The following SGCZ variants were observed in gnomAD, a reference collection of about 807,000 sequenced individuals.
SGCZ encodes zeta-sarcoglycan.
SGCZ carries 40 observed loss-of-function variants against 41.3 expected under a neutral mutation model. The ratio of observed to expected loss-of-function variants is 0.97; its 90% CI spans 0.75 to 1.26. The LOEUF is 1.26. Among genes scored for constraint, SGCZ ranks in the 50% most tolerant of loss-of-function variants. SGCZ has a pLI of 0.00. For synonymous variants in SGCZ, 206 were observed against 137.5 expected, an observed-to-expected ratio of 1.50 and a Z score of -3.49; for missense variants, 552 against 369.8, an observed-to-expected ratio of 1.49 and a Z score of -4.04.
intron 5 of SGCZ, among the ~76,000 whole-genome samples, chr8:14,112,989 T>C (rs886181536): frequency 6.6e-6 from 1 of 152,088 alleles, no homozygotes; most frequent in Non-Finnish European, 1.5e-5. Context: ...ACTGAAAAAT[T>C]TATTACCTCT....
At chr8:15,201,805 A>AT (rs1420720745) in intron 1 of SGCZ, among the ~76,000 whole-genome samples, 1 of 152,122 alleles carries the variant, frequency 6.6e-6, no homozygotes, top group Non-Finnish European at 1.5e-5. Context: ...TATGTGGAGC[A>AT]TTTTTTTCAC....
intron 1 of SGCZ, among the ~76,000 whole-genome samples, chr8:14,583,645 C>T (rs958157747): frequency 3.9e-5 from 6 of 152,046 alleles, no homozygotes; most frequent in South Asian, 2.1e-4. Context: ...TTAGGACTAA[C>T]GTTTAAGTCT....
intron 1 of SGCZ, among the ~76,000 whole-genome samples, chr8:15,213,248 A>G (rs1476038887): frequency 6.6e-6 from 1 of 151,968 alleles, no homozygotes; most frequent in Non-Finnish European, 1.5e-5. Flanking sequence ...CAACAAGAGT[A>G]ATCCTACCCC....
At chr8:14,985,210 A>G (rs1801791237) in intron 1 of SGCZ, among the ~76,000 whole-genome samples, 1 of 151,972 alleles carries the variant, frequency 6.6e-6, no homozygotes, top group Non-Finnish European at 1.5e-5. Context: ...CTGAAATTAA[A>G]GAAAACTGTA....
intron 1 of SGCZ, among the ~76,000 whole-genome samples, chr8:14,820,477 A>G (rs553460927): frequency 6.0e-4 from 92 of 152,160 alleles, no homozygotes; most frequent in Non-Finnish European, 8.8e-5. Context: ...ATTAAATTGT[A>G]CCATAAACCA....
At chr8:14,362,903 T>C (rs59191910) in intron 2 of SGCZ, among the ~76,000 whole-genome samples, 1,575 of 152,350 alleles carry the variant, frequency 0.01, 32 homozygotes, top group African/African-American at 0.036. Flanking sequence ...ATTGAGAGCA[T>C]AAATCCAATA....
At chr8:14,942,642 C>A (rs907865162) in intron 1 of SGCZ, among the ~76,000 whole-genome samples, 1 of 152,070 alleles carries the variant, frequency 6.6e-6, no homozygotes, top group African/African-American at 2.4e-5. Flanking sequence ...TGTATGCCTC[C>A]GTAACACCCA....
intron 1 of SGCZ, among the ~76,000 whole-genome samples, chr8:15,155,703 T>G (rs1188080584): frequency 6.6e-6 from 1 of 152,208 alleles, no homozygotes; most frequent in African/African-American, 2.4e-5. Context: ...TTGATCACCA[T>G]GCAAAATTGA....
chr8:14,457,006 G>A (rs1400927793), intron 2 of SGCZ, among the ~76,000 whole-genome samples: 1 of 152,178 alleles, frequency 6.6e-6, no homozygotes, highest in Admixed American at 6.6e-5. Flanking sequence ...TTCCAGTGGG[G>A]CTGTGGGCGA....
chr8:14,199,369 T>C (rs1805380893), intron 4 of SGCZ, among the ~76,000 whole-genome samples: 2 of 152,134 alleles, frequency 1.3e-5, no homozygotes, highest in Admixed American at 1.3e-4. Context: ...AAATTCTGTC[T>C]CCTGATAAGA....
At chr8:14,145,102 G>C (rs1376652254) in intron 5 of SGCZ, among the ~76,000 whole-genome samples, 1 of 152,198 alleles carries the variant, frequency 6.6e-6, no homozygotes, top group African/African-American at 2.4e-5. Context: ...CTTTGCCAAT[G>C]GCTGAGAGAT....
chr8:15,228,592 C>G (rs184865106), intron 1 of SGCZ, among the ~76,000 whole-genome samples: 2 of 152,174 alleles, frequency 1.3e-5, no homozygotes, highest in Non-Finnish European at 2.9e-5. Context: ...AATGTCTCTG[C>G]CCTAGACCAA....
chr8:14,599,076 A>G (rs1358574161), intron 1 of SGCZ, among the ~76,000 whole-genome samples: 1 of 152,102 alleles, frequency 6.6e-6, no homozygotes, highest in Admixed American at 6.5e-5. Flanking sequence ...TACCTTATTC[A>G]TTCAACAGCA....
chr8:15,050,750 A>G (rs1321738705), intron 1 of SGCZ, among the ~76,000 whole-genome samples: 1 of 152,166 alleles, frequency 6.6e-6, no homozygotes, highest in Non-Finnish European at 1.5e-5. Flanking sequence ...TGGGGGAGAA[A>G]GCATGTAAAT....
intron 1 of SGCZ, among the ~76,000 whole-genome samples, chr8:15,034,807 T>C (rs1803814397): frequency 6.6e-6 from 1 of 152,140 alleles, no homozygotes; most frequent in Non-Finnish European, 1.5e-5. Flanking sequence ...TGGAATGATA[T>C]ATTTAAAGCT....
chr8:14,520,920 C>T (rs1802769763), intron 2 of SGCZ, among the ~76,000 whole-genome samples: 1 of 152,072 alleles, frequency 6.6e-6, no homozygotes, highest in Non-Finnish European at 1.5e-5. Context: ...TTGCTATAAA[C>T]TTAATCACTA....
chr8:14,702,968 GAT>G (rs1809215868), intron 1 of SGCZ, among the ~76,000 whole-genome samples: 2 of 112,398 alleles, frequency 1.8e-5, no homozygotes, highest in Non-Finnish European at 3.8e-5. Flanking sequence ...TAGATAGATA[GAT>G]AGACAGACAG....
chr8:15,170,170 A>T (rs1369456701), intron 1 of SGCZ, among the ~76,000 whole-genome samples: 3 of 152,284 alleles, frequency 2.0e-5, no homozygotes, highest in East Asian at 1.9e-4. Flanking sequence ...GTCATAAATA[A>T]TATTATATAC....
chr8:14,703,898 G>A (rs1226318069), intron 1 of SGCZ, among the ~76,000 whole-genome samples: 1 of 152,006 alleles, frequency 6.6e-6, no homozygotes, highest in African/African-American at 2.4e-5. Context: ...ATTTGTTATG[G>A]TGGCTCTGAA....
Sources: allele counts gnomAD v4.1 joint callset (sites outside exome capture counted in the v4.1 genomes callset), GRCh38; gene constraint gnomAD v4.1.1; transcripts MANE v1.5; gene names NCBI Gene and HGNC (gene_info 2026-07-23, HGNC 2026-07-21).